The following PPIP5K2 variants were observed in gnomAD, a reference collection of about 807,000 sequenced individuals.
PPIP5K2 encodes inositol hexakisphosphate and diphosphoinositol-pentakisphosphate kinase 2.
A neutral mutation model predicts 154.6 loss-of-function variants in PPIP5K2; 105 were observed. That is an observed-to-expected ratio of 0.68 (90% CI 0.58 to 0.80). The LOEUF (loss-of-function observed/expected upper bound fraction) is 0.80. Ranked by LOEUF, PPIP5K2 falls within the 30% of genes least tolerant of loss-of-function variation. PPIP5K2 has a pLI of 0.00. For missense variants in PPIP5K2, 992 were observed against 1,504.6 expected (o/e 0.66, Z 5.64); for synonymous variants, 480 against 490.3 (o/e 0.98, Z 0.28).
chr5:103,192,026 C>T (rs1010303506), intron 29 of PPIP5K2, among the ~76,000 whole-genome samples: 35 of 152,018 alleles, frequency 2.3e-4, no homozygotes, highest in African/African-American at 7.5e-4. Context: ...GCCATCACAT[C>T]GTATAATTCT....
chr5:103,174,001 C>T (rs1554220249), intron 21 of PPIP5K2, 29 bp downstream of exon 21: 2 of 1,431,298 alleles, frequency 1.4e-6, no homozygotes, highest in Non-Finnish European at 1.9e-6. Flanking sequence ...TTCAGTCTAA[C>T]AAATATATTT....
At chr5:103,137,296 G>C (rs987711190) in intron 4 of PPIP5K2, among the ~76,000 whole-genome samples, 1 of 151,674 alleles carries the variant, frequency 6.6e-6, no homozygotes, top group African/African-American at 2.4e-5. Context: ...CCGAGTAGCT[G>C]GGATTACAGG....
At position 103,201,544 on chromosome 5, in the gene PPIP5K2, A is replaced by G. The variant is rs782306975; in HGVS notation, c.3642A>G (p.Ala1214=). 1.9e-5 allele frequency: 30 copies of G among 1,605,704 alleles called. No individual in the cohort carries two copies. The Admixed American group carries it at 5.0e-4, about 27-fold the overall frequency. ...SKPATSGPSS[A]VVPNTSSRKK... ...TAGCTACAAGTGGACCTTCTAGTGC[A>G]GTTGTTCCTAATACCTCATCTCGGA... The change falls in exon 31 of 31, where the codon GCA becomes GCG. Residue 1214 remains alanine (A), a synonymous_variant. Coordinates refer to ENST00000358359, the MANE Select transcript of PPIP5K2 (RefSeq NM_001276277.3).
At chr5:103,142,106 C>T (rs1398616258) in intron 5 of PPIP5K2, among the ~76,000 whole-genome samples, 4 of 152,186 alleles carry the variant, frequency 2.6e-5, no homozygotes, top group East Asian at 1.9e-4. Flanking sequence ...TGGGGAGGCT[C>T]GGGCCGCACA....
rs541927285 is a variant in PPIP5K2, at chr5:103,144,910, A to G, written c.488-1617A>G. Among the ~76,000 whole-genome samples the G allele has an allele frequency of 1.3e-3, 200 of 152,262 alleles. 1 individual carries two copies. Among genetic ancestry groups the G allele is most frequent in the African/African-American group, 4.7e-3 (194 of 41,572 alleles). On this transcript the variant is annotated intron_variant, in intron 5 of 30. Transcript: ENST00000358359. Reference sequence around the variant, plus strand: ...AGGCAACCAAAGCAAAAATATACCAATGGGATCATATCAACCTAAAAAACT... The same window carrying G: ...AGGCAACCAAAGCAAAAATATACCAGTGGGATCATATCAACCTAAAAAACT...
rs151302392 is a variant in PPIP5K2 at position 103,154,342 on chromosome 5, T to C, written c.1218-328T>C. ...TTTGAAAACCCTGAGCCATTAAGTA[T>C]GTGTTGACACAAGTAATTTTCAATG... On this transcript the variant is annotated intron_variant, in intron 11 of 30. Coordinates refer to ENST00000358359, the MANE Select transcript of PPIP5K2 (RefSeq NM_001276277.3). Among the ~76,000 whole-genome samples the C allele has an allele frequency of 8.5e-4, 130 of 152,130 alleles. 1 individual carries two copies. The highest frequency in any genetic ancestry group is 3.1e-3 in the African/African-American group (127 of 41,570).
At chr5:103,200,836 C>A (rs1201698322) in intron 30 of PPIP5K2, among the ~76,000 whole-genome samples, 1 of 151,922 alleles carries the variant, frequency 6.6e-6, no homozygotes, top group Admixed American at 6.6e-5. Flanking sequence ...GGGGGTCTCA[C>A]TATGTTGCCA....
intron 3 of PPIP5K2, chr5:103,135,942 A>C (rs1554204017): frequency 6.8e-6 from 1 of 146,472 alleles, no homozygotes; most frequent in East Asian, 2.0e-4. Flanking sequence ...TATATGTCAT[A>C]TATGAATTAA....
rs782729790 is a variant in PPIP5K2 at position 103,156,028 on chromosome 5, A to G, written c.1489+34A>G. On this transcript the variant is annotated intron_variant, in intron 14 of 30. Transcript: ENST00000358359. ...TTCTTAATGCTTATACAGTAGTTTT[A>G]TATGTAGTAACTTGTTATTCACTGT... is the stretch of plus-strand genomic sequence containing the variant. 7 of 1,372,146 alleles carry G rather than the reference A, an allele frequency of 5.1e-6. No homozygotes were observed. In the East Asian group the frequency reaches 6.9e-5, roughly 13 times the overall value. 85.0% of individuals were successfully genotyped at this position (1,372,146 alleles called of 1,614,324 possible). A position where few individuals can be genotyped will look rare whatever the true frequency, so the allele number is the denominator to read the frequency against.
rs1554232609 is a variant in PPIP5K2 at position 103,211,951 on chromosome 5, A to T, written c.*10317A>T. On this transcript the variant is annotated 3_prime_UTR_variant, in exon 31 of 31. Coordinates refer to ENST00000358359, the MANE Select transcript of PPIP5K2 (RefSeq NM_001276277.3). ...GAATTAAAACTAGTTATCTGAATGT[A>T]AAAGGAATCAACGGCTAAATCAAGC... The T allele has an allele frequency of 6.6e-6, 1 of 152,152 alleles. No individual in the cohort carries two copies. Among genetic ancestry groups the T allele is most frequent in the Non-Finnish European group, 1.5e-5 (1 of 67,976 alleles). 9.4% of individuals were successfully genotyped at this position (152,152 alleles called of 1,614,324 possible). A position where few individuals can be genotyped will look rare whatever the true frequency, so the allele number is the denominator to read the frequency against.
intron 5 of PPIP5K2, among the ~76,000 whole-genome samples, chr5:103,145,490 C>T (rs1393352951): frequency 6.6e-6 from 1 of 151,996 alleles, no homozygotes; most frequent in African/African-American, 2.4e-5. Flanking sequence ...ATGGAAACAA[C>T]CTAAGGGTCC....
intron 17 of PPIP5K2, among the ~76,000 whole-genome samples, chr5:103,166,869 A>C (rs1797207858): frequency 6.6e-6 from 1 of 151,926 alleles, no homozygotes; most frequent in South Asian, 2.1e-4. Flanking sequence ...TTTCACATTG[A>C]GTAGGCTGAA....
intron 17 of PPIP5K2, among the ~76,000 whole-genome samples, 153 bp from the exon 18 acceptor site, chr5:103,167,026 C>G (rs927596716): frequency 2.0e-5 from 3 of 151,838 alleles, no homozygotes; most frequent in Admixed American, 6.6e-5. Flanking sequence ...CAGTTCAAAC[C>G]TGTGGTGTTC....
At chr5:103,187,143 A>T (rs1404869748) in intron 27 of PPIP5K2, among the ~76,000 whole-genome samples, 171 bp from the exon 28 acceptor site, 1 of 152,182 alleles carries the variant, frequency 6.6e-6, no homozygotes, top group Non-Finnish European at 1.5e-5. Context: ...TTCCTCTGTC[A>T]TCAAGCTAGT....
At chr5:103,131,494 A>C (rs1790603868) in intron 2 of PPIP5K2, among the ~76,000 whole-genome samples, 1 of 152,122 alleles carries the variant, frequency 6.6e-6, no homozygotes, top group Non-Finnish European at 1.5e-5. Flanking sequence ...AAACCCATGG[A>C]TATGGAGGGC....
rs782657707 is a variant in PPIP5K2 at position 103,190,825 on chromosome 5, G to GT, written c.3353-10dup. The GT allele has an allele frequency of 1.4e-5, 21 of 1,548,462 alleles. No homozygotes were observed. In the South Asian group the frequency reaches 2.0e-4, roughly 15 times the overall value. On this transcript the variant is annotated splice_polypyrimidine_tract_variant and intron_variant, in intron 28 of 30. Transcript: ENST00000358359. ...ATCCATCTTTTATTTTTTGTTTTTGGTTTTTTTCTCTTCTAGGCTTTGAAT... is the reference window on the plus strand; with the variant it reads ...ATCCATCTTTTATTTTTTGTTTTTGGTTTTTTTTCTCTTCTAGGCTTTGAAT...
rs112490797 is a variant in PPIP5K2 at position 103,164,725 on chromosome 5, A to G, written c.1921-2454A>G. 5.8e-3 allele frequency among the ~76,000 whole-genome samples: 875 copies of G among 152,166 alleles called. 6 individuals carry two copies. Among genetic ancestry groups the G allele is most frequent in the African/African-American group, 0.02 (837 of 41,536 alleles). On this transcript the variant is annotated intron_variant, in intron 17 of 30. Transcript: ENST00000358359. ...ATTTTTACTTCCCTTCAGTGGATAT[A>G]TTGGTCCAAACTACCTAGTTTATTA...
chr5:103,165,021 G>A (rs1554217306), intron 17 of PPIP5K2, among the ~76,000 whole-genome samples: 1 of 151,982 alleles, frequency 6.6e-6, no homozygotes, highest in African/African-American at 2.4e-5. Flanking sequence ...TTAACCTCAG[G>A]TAAGTCACTC....
intron 28 of PPIP5K2, chr5:103,188,581 T>TC (rs1433342999): frequency 1.3e-5 from 2 of 152,132 alleles, no homozygotes; most frequent in Non-Finnish European, 2.9e-5. Flanking sequence ...GTGATTCTTA[T>TC]TTGATACAGC....
Sources: gnomAD v4.1 joint callset for allele counts (sites outside exome capture counted in the v4.1 genomes callset) on GRCh38, gnomAD v4.1.1 for gene constraint, MANE v1.5 for transcripts, NCBI Gene and HGNC (gene_info 2026-07-23, HGNC 2026-07-21) for gene names.